The following ADAMTS12 variants were observed in gnomAD, a reference collection of about 807,000 sequenced individuals.
ADAMTS12 encodes the protein A disintegrin and metalloproteinase with thrombospondin motifs 12.
A neutral mutation model predicts 167.8 loss-of-function variants in ADAMTS12; 118 were observed. The observed-to-expected ratio is 0.70, with a 90% confidence interval of 0.61 to 0.82. The LOEUF (loss-of-function observed/expected upper bound fraction) is 0.82, where lower values mean the gene tolerates loss of function less well. Among genes scored for constraint, ADAMTS12 ranks in the 40% least tolerant of loss-of-function variants. ADAMTS12 has a pLI of 0.00. For synonymous variants in ADAMTS12, 704 were observed against 716.9 expected (o/e 0.98, Z 0.29); for missense variants, 1,916 against 1,998.8 (o/e 0.96, Z 0.79).
intron 2 of ADAMTS12, among the ~76,000 whole-genome samples, chr5:33,834,515 G>C (rs1256476384): frequency 6.6e-6 from 1 of 152,092 alleles, no homozygotes; most frequent in Non-Finnish European, 1.5e-5. Flanking sequence ...ATGTGTTAGG[G>C]AAAAACCCAC....
At chr5:33,774,744 C>T (rs1246947763) in intron 2 of ADAMTS12, among the ~76,000 whole-genome samples, 1 of 152,186 alleles carries the variant, frequency 6.6e-6, no homozygotes, top group East Asian at 1.9e-4. Context: ...TTGTATCTGT[C>T]TTGGCATTCT....
intron 3 of ADAMTS12, among the ~76,000 whole-genome samples, chr5:33,749,748 T>C (rs1454401402): frequency 6.6e-6 from 1 of 152,202 alleles, no homozygotes; most frequent in Non-Finnish European, 1.5e-5. Context: ...GCATATGCCC[T>C]AATAGGGGGC....
chr5:33,721,441 C>A (rs984844982), intron 3 of ADAMTS12, among the ~76,000 whole-genome samples: 3 of 152,172 alleles, frequency 2.0e-5, no homozygotes, highest in Non-Finnish European at 4.4e-5. Context: ...GAGGCAGAAC[C>A]AATCATGAGA....
chr5:33,558,958 G>A (rs1174855364), intron 20 of ADAMTS12, among the ~76,000 whole-genome samples: 1 of 152,186 alleles, frequency 6.6e-6, no homozygotes, highest in African/African-American at 2.4e-5. Context: ...ATTTTCTCAA[G>A]GAGTAGCCTC....
intron 3 of ADAMTS12, among the ~76,000 whole-genome samples, chr5:33,739,056 A>C (rs1340650475): frequency 6.6e-6 from 1 of 152,156 alleles, no homozygotes; most frequent in East Asian, 1.9e-4. Flanking sequence ...TAGGTTAAAC[A>C]AAGAGTTTAA....
At chr5:33,685,307 C>T (rs925077579) in intron 3 of ADAMTS12, among the ~76,000 whole-genome samples, 15 of 152,226 alleles carry the variant, frequency 9.9e-5, no homozygotes, top group African/African-American at 3.1e-4. Flanking sequence ...GGGAAATTCT[C>T]GACTGCATTG....
intron 22 of ADAMTS12, among the ~76,000 whole-genome samples, chr5:33,541,288 A>G (rs1278733161): frequency 6.6e-6 from 1 of 152,240 alleles, no homozygotes; most frequent in East Asian, 1.9e-4. Context: ...TTAGAGATAA[A>G]GAGTAAAAAG....
In ADAMTS12 at chr5:33,576,479, G is replaced by A. The variant is rs545902929; in HGVS notation, c.3547C>T (p.Pro1183Ser). Residue 1183 changes from proline to serine, a missense_variant, in exon 19 of 24, where the codon CCT becomes TCT. Transcript: ENST00000504830. ...NPVIWTKIRV[P>S]GNDAPVESTE... ...CTTTCCACTGGAGCGTCATTTCCAG[G>A]TACTCTGATCTTGGTCCATATTACA... 7 of 1,608,336 alleles carry A rather than the reference G, an allele frequency of 4.4e-6. No individual in the cohort carries two copies. The South Asian group carries it at 5.6e-5, about 13-fold the overall frequency.
chr5:33,794,495 C>A (rs559426985), intron 2 of ADAMTS12, among the ~76,000 whole-genome samples: 251 of 114,620 alleles, frequency 2.2e-3, no homozygotes, highest in Non-Finnish European at 3.8e-3. Context: ...CTGCACCCAG[C>A]CTGCTGCAGC....
At chr5:33,884,064 A>G (rs969364617) in intron 1 of ADAMTS12, among the ~76,000 whole-genome samples, 2 of 152,192 alleles carry the variant, frequency 1.3e-5, no homozygotes, top group Admixed American at 6.5e-5. Flanking sequence ...AGCTGGGTAT[A>G]GTAACGGTGT....
At chr5:33,666,068 C>A (rs1454199872) in intron 5 of ADAMTS12, among the ~76,000 whole-genome samples, 2 of 152,226 alleles carry the variant, frequency 1.3e-5, no homozygotes, top group Non-Finnish European at 2.9e-5. Flanking sequence ...TGTAACAGGG[C>A]CTTTGAGCCT....
At chr5:33,760,941 C>T (rs1171355289) in intron 2 of ADAMTS12, among the ~76,000 whole-genome samples, 1 of 150,494 alleles carries the variant, frequency 6.6e-6, no homozygotes, top group Non-Finnish European at 1.5e-5. Flanking sequence ...TTCTAAGCAG[C>T]AATCCATAAA....
intron 5 of ADAMTS12, among the ~76,000 whole-genome samples, chr5:33,666,934 T>C (rs1741494695): frequency 6.6e-6 from 1 of 152,228 alleles, no homozygotes; most frequent in African/African-American, 2.4e-5. Flanking sequence ...CTTAGCACGT[T>C]ATGGCTTATC....
chr5:33,550,995 A>T (rs570917998), intron 20 of ADAMTS12, among the ~76,000 whole-genome samples: 1 of 152,132 alleles, frequency 6.6e-6, no homozygotes, highest in African/African-American at 2.4e-5. Flanking sequence ...CCTTCCATCA[A>T]TGATCTCATT....
intron 19 of ADAMTS12, among the ~76,000 whole-genome samples, chr5:33,569,031 A>G (rs562982435): frequency 1.3e-5 from 2 of 152,346 alleles, no homozygotes; most frequent in Non-Finnish European, 2.9e-5. Context: ...AGGCGGCAGC[A>G]AGGCTGGGGG....
chr5:33,620,903 C>T (rs1010679744), intron 14 of ADAMTS12, among the ~76,000 whole-genome samples: 1 of 152,086 alleles, frequency 6.6e-6, no homozygotes, highest in Non-Finnish European at 1.5e-5. Context: ...GGTTCGACCC[C>T]GTGTTATTCA....
chr5:33,680,968 A>G (rs1181216273), intron 5 of ADAMTS12, among the ~76,000 whole-genome samples: 1 of 152,142 alleles, frequency 6.6e-6, no homozygotes, highest in Non-Finnish European at 1.5e-5. Flanking sequence ...GTACCCTATC[A>G]TTTTCTACAT....
chr5:33,773,155 C>T (rs2112428682), intron 2 of ADAMTS12, among the ~76,000 whole-genome samples: 1 of 152,244 alleles, frequency 6.6e-6, no homozygotes, highest in South Asian at 2.1e-4. Context: ...CCAAGAAGTG[C>T]AACTGCTGCT....
intron 7 of ADAMTS12, among the ~76,000 whole-genome samples, chr5:33,651,202 C>T (rs1443515760): frequency 6.6e-6 from 1 of 152,166 alleles, no homozygotes; most frequent in African/African-American, 2.4e-5. Context: ...GCATGAGGTA[C>T]TCTACAAGTT....
Sources: allele counts gnomAD v4.1 joint callset (sites outside exome capture counted in the v4.1 genomes callset), GRCh38; gene constraint gnomAD v4.1.1; transcripts MANE v1.5; gene names NCBI Gene and HGNC (gene_info 2026-07-23, HGNC 2026-07-21).